The following BMP5 variants were observed in gnomAD, a reference collection of about 807,000 sequenced individuals.
The protein encoded by BMP5 is bone morphogenetic protein 5.
In BMP5, 23 loss-of-function variants were observed where a neutral mutation model predicts 46.6. The ratio of observed to expected loss-of-function variants is 0.49; its 90% CI spans 0.35 to 0.70. The LOEUF (loss-of-function observed/expected upper bound fraction) is 0.70, where lower values mean the gene tolerates loss of function less well. Ranked by LOEUF, BMP5 falls within the 30% of genes least tolerant of loss-of-function variation. The probability of loss-of-function intolerance (pLI) is 0.00; values close to 1 mark genes in which losing one functional copy is unlikely to be tolerated. For synonymous variants in BMP5, 204 were observed against 191.9 expected (o/e 1.06, Z -0.52); for missense variants, 545 against 565.6 (o/e 0.96, Z 0.37).
At chr6:55,829,611 C>G (rs1776616293) in intron 1 of BMP5, among the ~76,000 whole-genome samples, 1 of 151,674 alleles carries the variant, frequency 6.6e-6, no homozygotes, top group South Asian at 2.1e-4. Flanking sequence ...TGTGTTGGTA[C>G]TTAAAAACAT....
chr6:55,759,863 T>C (rs1774722161), intron 5 of BMP5, among the ~76,000 whole-genome samples: 1 of 151,950 alleles, frequency 6.6e-6, no homozygotes, highest in African/African-American at 2.4e-5. Context: ...TACATTTTAA[T>C]AGTATTTCTC....
intron 1 of BMP5, among the ~76,000 whole-genome samples, chr6:55,837,376 T>TAGATAGATAGAC (rs1236672631): frequency 0.012 from 1,835 of 149,586 alleles, 14 homozygotes; most frequent in Middle Eastern, 0.02. Flanking sequence ...GATAGATAGA[T>TAGATAGATAGAC]AGACAGACAG....
intron 1 of BMP5, among the ~76,000 whole-genome samples, chr6:55,822,197 C>T (rs1307888936): frequency 6.6e-6 from 1 of 152,164 alleles, no homozygotes; most frequent in Non-Finnish European, 1.5e-5. Flanking sequence ...TATGCTGCGT[C>T]TGCTAACACA....
intron 3 of BMP5, among the ~76,000 whole-genome samples, chr6:55,793,469 A>T (rs1274979652): frequency 6.6e-6 from 1 of 152,142 alleles, no homozygotes; most frequent in African/African-American, 2.4e-5. Flanking sequence ...GCTCACTTTT[A>T]TATCTCCAGA....
chr6:55,850,656 G>A (rs1404690127), intron 1 of BMP5, among the ~76,000 whole-genome samples: 1 of 152,128 alleles, frequency 6.6e-6, no homozygotes, highest in East Asian at 1.9e-4. Context: ...AGCATTCACA[G>A]TAATGCTTAT....
intron 2 of BMP5, among the ~76,000 whole-genome samples, chr6:55,804,670 G>T (rs1332697728): frequency 6.6e-6 from 1 of 152,174 alleles, no homozygotes; most frequent in East Asian, 1.9e-4. Flanking sequence ...ATGACTAGTT[G>T]AGTGGAGTTA....
At chr6:55,763,719 C>T (rs1218892146) in intron 4 of BMP5, among the ~76,000 whole-genome samples, 1 of 152,092 alleles carries the variant, frequency 6.6e-6, no homozygotes, top group Admixed American at 6.6e-5. Context: ...AAAAAGTAAA[C>T]CAACATGTCT....
chr6:55,817,409 AC>A (rs1776300012), intron 2 of BMP5, among the ~76,000 whole-genome samples: 1 of 152,228 alleles, frequency 6.6e-6, no homozygotes, highest in African/African-American at 2.4e-5. Flanking sequence ...ACCACAGAAT[AC>A]TATGCAGCCA....
chr6:55,760,201 T>C (rs1377536794), intron 5 of BMP5, among the ~76,000 whole-genome samples: 2 of 152,152 alleles, frequency 1.3e-5, no homozygotes, highest in African/African-American at 2.4e-5. Context: ...GGCACTCTTT[T>C]TTTTCTTCCT....
At chr6:55,858,143 A>G (rs938045693) in intron 1 of BMP5, among the ~76,000 whole-genome samples, 1 of 152,218 alleles carries the variant, frequency 6.6e-6, no homozygotes, top group Admixed American at 6.5e-5. Context: ...ATAGAAGGTT[A>G]TTTGAACATC....
At chr6:55,855,591 G>GT (rs1777374279) in intron 1 of BMP5, among the ~76,000 whole-genome samples, 2 of 151,998 alleles carry the variant, frequency 1.3e-5, no homozygotes, top group African/African-American at 2.4e-5. Context: ...TAATCCTATT[G>GT]TTTTTGTTTT....
At chr6:55,792,724 C>T (rs942695750) in intron 3 of BMP5, among the ~76,000 whole-genome samples, 4 of 152,042 alleles carry the variant, frequency 2.6e-5, no homozygotes, top group Admixed American at 1.3e-4. Flanking sequence ...AAGTCTTAAG[C>T]ATTTATAGCA....
At chr6:55,861,128 ATC>A (rs1777518451) in intron 1 of BMP5, among the ~76,000 whole-genome samples, 1 of 152,204 alleles carries the variant, frequency 6.6e-6, no homozygotes, top group African/African-American at 2.4e-5. Flanking sequence ...AGCAGAAGTT[ATC>A]TGTCAGTTTC....
chr6:55,858,884 G>T (rs1377661666), intron 1 of BMP5, among the ~76,000 whole-genome samples: 2 of 152,132 alleles, frequency 1.3e-5, no homozygotes, highest in African/African-American at 4.8e-5. Flanking sequence ...ACCAAACACT[G>T]CATGTTTTCA....
chr6:55,863,430 T>C (rs996195528), intron 1 of BMP5, among the ~76,000 whole-genome samples: 1 of 152,190 alleles, frequency 6.6e-6, no homozygotes. Flanking sequence ...ATAAGTTATT[T>C]ACCCTCAGAA....
intron 1 of BMP5, among the ~76,000 whole-genome samples, chr6:55,841,453 G>A (rs1048543797): frequency 6.6e-6 from 1 of 152,056 alleles, no homozygotes; most frequent in African/African-American, 2.4e-5. Flanking sequence ...CAAGTATAAT[G>A]GCCCAGAGTC....
chr6:55,794,727 C>T (rs909771016), intron 2 of BMP5, among the ~76,000 whole-genome samples: 3 of 152,058 alleles, frequency 2.0e-5, no homozygotes, highest in South Asian at 4.1e-4. Context: ...CATCAGTGTT[C>T]CCGGTAACCA....
chr6:55,799,108 G>A (rs1203004231), intron 2 of BMP5, among the ~76,000 whole-genome samples: 1 of 152,108 alleles, frequency 6.6e-6, no homozygotes, highest in African/African-American at 2.4e-5. Context: ...GAACAATTAA[G>A]GAATTCCTCA....
At chr6:55,837,453 C>T (rs1162055179) in intron 1 of BMP5, among the ~76,000 whole-genome samples, 19 of 152,010 alleles carry the variant, frequency 1.2e-4, no homozygotes, top group Admixed American at 1.2e-3. Context: ...TTGGCTAAAT[C>T]GGCCAAGTCT....
Sources: allele counts gnomAD v4.1 joint callset (sites outside exome capture counted in the v4.1 genomes callset), GRCh38; gene constraint gnomAD v4.1.1; transcripts MANE v1.5; gene names NCBI Gene and HGNC (gene_info 2026-07-23, HGNC 2026-07-21).